The following TOLLIP variants were observed in gnomAD, a reference collection of about 807,000 sequenced individuals.
The protein encoded by TOLLIP is toll-interacting protein.
TOLLIP carries 16 observed loss-of-function variants against 33.5 expected under a neutral mutation model. The ratio of observed to expected loss-of-function variants is 0.48; its 90% CI spans 0.32 to 0.72. The LOEUF (loss-of-function observed/expected upper bound fraction) is 0.72, where lower values mean the gene tolerates loss of function less well. Ranked by LOEUF, TOLLIP falls within the 30% of genes least tolerant of loss-of-function variation. TOLLIP has a pLI of 0.03. For synonymous variants in TOLLIP, 176 were observed against 163.7 expected (o/e 1.07, Z -0.57); for missense variants, 325 against 396.6 (o/e 0.82, Z 1.53).
At position 1,277,002 on chromosome 11, in the gene TOLLIP, C is replaced by CA; in HGVS notation, c.*36dup. 6.2e-7 allele frequency: 1 copy of CA among 1,602,626 alleles called. No homozygotes were observed. The highest frequency in any genetic ancestry group is 1.1e-5 in the South Asian group (1 of 90,544). On this transcript the variant is annotated 3_prime_UTR_variant, in exon 6 of 6. Transcript: ENST00000317204. The surrounding 1 kb of genome is among the most constrained non-coding windows in gnomAD (Gnocchi z 4.2). ...TTGGGGAGCGCCGGGTCGGCGTGTC[C>CA]AAAGAGCGGGGGCAAAACGGCATCG...
intron 1 of TOLLIP, chr11:1,302,864 AGCCCTC>A: frequency 1.1e-6 from 1 of 908,242 alleles, no homozygotes; most frequent in Middle Eastern, 5.6e-4. Context: ...CCCTCCCAGG[AGCCCTC>A]GCTGAGCACT....
intron 5 of TOLLIP, among the ~76,000 whole-genome samples, chr11:1,284,968 G>C (rs898190127): frequency 6.6e-6 from 1 of 152,172 alleles, no homozygotes; most frequent in African/African-American, 2.4e-5. Context: ...TTCTGCATCT[G>C]TGCAGGATGC....
chr11:1,280,140 C>G (rs1863446230), intron 5 of TOLLIP, among the ~76,000 whole-genome samples: 1 of 152,274 alleles, frequency 6.6e-6, no homozygotes, highest in Non-Finnish European at 1.5e-5. Flanking sequence ...ATCCAATTCT[C>G]ATTTTGAATG....
At chr11:1,297,136 C>T (rs1864135792) in intron 1 of TOLLIP, among the ~76,000 whole-genome samples, 1 of 152,124 alleles carries the variant, frequency 6.6e-6, no homozygotes, top group Non-Finnish European at 1.5e-5. Flanking sequence ...CTGGAACCCT[C>T]GGTGTGTCGG....
chr11:1,278,470 C>T lies in TOLLIP; in HGVS notation c.611-1217G>A, dbSNP rs1276852259. On this transcript the variant is annotated intron_variant, in intron 5 of 5. Coordinates refer to ENST00000317204, the MANE Select transcript of TOLLIP (RefSeq NM_019009.4). The surrounding 1 kb of genome is among the most constrained non-coding windows in gnomAD (Gnocchi z 4.7). ...GCCTGAACCAACACCAGCAACAAGA[C>T]CTGCAGGGGTGTAAACGGAGCAGAC... 3.9e-5 allele frequency among the ~76,000 whole-genome samples: 6 copies of T among 152,172 alleles called. No individual in the cohort carries two copies. In the East Asian group the frequency reaches 7.7e-4, roughly 20 times the overall value.
At chr11:1,301,738 G>A (rs1003528882) in intron 1 of TOLLIP, among the ~76,000 whole-genome samples, 24 of 152,308 alleles carry the variant, frequency 1.6e-4, no homozygotes, top group African/African-American at 5.8e-4. Context: ...GGTTTCTCCA[G>A]TTCCTAACAT....
intron 1 of TOLLIP, chr11:1,298,327 G>A (rs1346677646): frequency 6.6e-6 from 1 of 152,218 alleles, no homozygotes; most frequent in Non-Finnish European, 1.5e-5. Flanking sequence ...CTGGCCACAC[G>A]TGGGGGACAG....
intron 5 of TOLLIP, among the ~76,000 whole-genome samples, chr11:1,280,996 G>C (rs1272373324): frequency 6.6e-6 from 1 of 152,232 alleles, no homozygotes; most frequent in Non-Finnish European, 1.5e-5. Context: ...CTGGCGGAGA[G>C]TCTCTGTCCA....
Position 1,276,799 on chromosome 11 carries a change from A to G in TOLLIP, c.*240T>C. On this transcript the variant is annotated 3_prime_UTR_variant, in exon 6 of 6. Coordinates refer to ENST00000317204, the MANE Select transcript of TOLLIP (RefSeq NM_019009.4). Reference sequence around the variant, plus strand: ...GAGAGACGCACGTCCCAGGGACAGGAGAGCGCGCTGAGACCTCCCAGCACG... The same window carrying G: ...GAGAGACGCACGTCCCAGGGACAGGGGAGCGCGCTGAGACCTCCCAGCACG... The G allele has an allele frequency of 6.6e-7, 1 of 1,521,900 alleles. No individual in the cohort carries two copies. Among genetic ancestry groups the G allele is most frequent in the Non-Finnish European group, 8.8e-7 (1 of 1,138,180 alleles). 94.3% of individuals were successfully genotyped at this position (1,521,900 alleles called of 1,614,324 possible). A position where few individuals can be genotyped will look rare whatever the true frequency, so the allele number is the denominator to read the frequency against.
At position 1,290,352 on chromosome 11, in the gene TOLLIP, G is replaced by A; in HGVS notation, c.241C>T (p.Leu81=). Residue 81 remains leucine (L), a synonymous_variant, in exon 3 of 6, where the codon CTG becomes TTG. Coordinates refer to ENST00000317204, the MANE Select transcript of TOLLIP (RefSeq NM_019009.4). This position sits in a 1 kb window ranked among gnomAD's most constrained non-coding sequence, Gnocchi z 4.9. ...TRMDPYCRLR[L]GYAVYETPTA... The stretch of plus-strand genomic sequence containing the variant: ...GGCGTCTCGTACACCGCGTAGCCCA[G>A]GCGCAGTCGGCAGTAGGGGTCCATG... The A allele has an allele frequency of 1.2e-6, 2 of 1,613,556 alleles. No homozygotes were observed. Among genetic ancestry groups the A allele is most frequent in the Non-Finnish European group, 1.7e-6 (2 of 1,179,974 alleles).
chr11:1,281,888 G>A (rs937399673), intron 5 of TOLLIP, among the ~76,000 whole-genome samples: 4 of 152,224 alleles, frequency 2.6e-5, no homozygotes, highest in Non-Finnish European at 5.9e-5. Flanking sequence ...TGCCTAGTCG[G>A]CCCGAGACGC....
In TOLLIP at chr11:1,295,588, C is replaced by G; in HGVS notation, c.183+57G>C. Reference sequence around the variant, plus strand: ...CAGTATAAACGCCGAAATCCGAAATCCCACCCCCACCGAGCGCACCAGCCC... The same window carrying G: ...CAGTATAAACGCCGAAATCCGAAATGCCACCCCCACCGAGCGCACCAGCCC... On this transcript the variant is annotated intron_variant, in intron 2 of 5. Transcript: ENST00000317204. The G allele has an allele frequency of 2.1e-6, 3 of 1,437,318 alleles. No homozygotes were observed. The South Asian group carries it at 4.7e-5, about 22-fold the overall frequency. 89.0% of individuals were successfully genotyped at this position (1,437,318 alleles called of 1,614,324 possible). A position where few individuals can be genotyped will look rare whatever the true frequency, so the allele number is the denominator to read the frequency against.
intron 3 of TOLLIP, among the ~76,000 whole-genome samples, chr11:1,289,547 T>C (rs896539059): frequency 2.6e-5 from 4 of 152,112 alleles, no homozygotes; most frequent in African/African-American, 7.2e-5. Flanking sequence ...TCCCACCCAG[T>C]AGGCAGCCGC....
At chr11:1,302,391 C>T (rs1463310666) in intron 1 of TOLLIP, among the ~76,000 whole-genome samples, 5 of 152,240 alleles carry the variant, frequency 3.3e-5, no homozygotes, top group East Asian at 3.8e-4. Flanking sequence ...TGCACACTCA[C>T]GGCCAAGAGG....
intron 1 of TOLLIP, among the ~76,000 whole-genome samples, chr11:1,302,037 C>T (rs1864294950): frequency 6.6e-6 from 1 of 152,226 alleles, no homozygotes; most frequent in Admixed American, 6.5e-5. Flanking sequence ...TCACCAGCCT[C>T]CCTGCTGTGT....
rs917789590 is a variant in TOLLIP, at chr11:1,290,013, G to A, written c.366+214C>T. 5.2e-6 allele frequency: 3 copies of A among 573,324 alleles called. No homozygotes were observed. Among genetic ancestry groups the A allele is most frequent in the Non-Finnish European group, 9.3e-6 (3 of 321,908 alleles). 35.5% of individuals were successfully genotyped at this position (573,324 alleles called of 1,614,324 possible). On this transcript the variant is annotated intron_variant, in intron 3 of 5. Transcript: ENST00000317204. The surrounding 1 kb of genome is among the most constrained non-coding windows in gnomAD (Gnocchi z 4.9). ...CTGGGTCATGCTTGTCACTGGGGATGTTTCCAAATGTAAGTATGTTCAAGG... is the reference window on the plus strand; with the variant it reads ...CTGGGTCATGCTTGTCACTGGGGATATTTCCAAATGTAAGTATGTTCAAGG...
chr11:1,295,920 GCTCAGC>G, intron 1 of TOLLIP, 126 bp from the exon 2 acceptor site: 1 of 1,237,940 alleles, frequency 8.1e-7, no homozygotes, highest in Non-Finnish European at 1.1e-6. Context: ...CCTGGACTGT[GCTCAGC>G]CTCAGTTTCC....
Position 1,302,629 on chromosome 11 carries a change from T to G in TOLLIP, c.34-6835A>C, listed in dbSNP as rs573158874. Reference sequence around the variant, plus strand: ...ACTCCAGCCAGCCTCGGCCTCACGCTCCACACCAGCCTCCTGACACTCCCC... The same window carrying G: ...ACTCCAGCCAGCCTCGGCCTCACGCGCCACACCAGCCTCCTGACACTCCCC... On this transcript the variant is annotated intron_variant, in intron 1 of 5. Transcript: ENST00000317204. 5.1e-6 allele frequency: 5 copies of G among 987,488 alleles called. No individual in the cohort carries two copies. The African/African-American group carries it at 5.2e-5, about 10-fold the overall frequency. The allele number at this position is 987,488 out of a possible 1,614,324, so 61.2% of individuals were successfully genotyped here.
chr11:1,281,102 C>A (rs1223352488), intron 5 of TOLLIP, among the ~76,000 whole-genome samples: 2 of 152,246 alleles, frequency 1.3e-5, no homozygotes, highest in Admixed American at 6.5e-5. Flanking sequence ...GGCTAAAAAA[C>A]CCCCTATAAC....
Sources: allele counts gnomAD v4.1 joint callset (sites outside exome capture counted in the v4.1 genomes callset), GRCh38; gene constraint gnomAD v4.1.1; non-coding constraint Gnocchi (gnomAD v3.1); transcripts MANE v1.5; gene names NCBI Gene and HGNC (gene_info 2026-07-23, HGNC 2026-07-21).